The following RIN2 variants were observed in gnomAD, a reference collection of about 807,000 sequenced individuals.
The protein encoded by RIN2 is Ras and Rab interactor 2.
RIN2 carries 36 observed loss-of-function variants against 78.0 expected under a neutral mutation model. The observed-to-expected ratio is 0.46, with a 90% confidence interval of 0.35 to 0.61. RIN2 has a LOEUF of 0.61. Among genes scored for constraint, RIN2 ranks in the 20% least tolerant of loss-of-function variants. The pLI, the probability that RIN2 is intolerant of heterozygous loss-of-function variation, is 0.00. For missense variants in RIN2, 1,087 were observed against 1,159.7 expected (o/e 0.94, Z 0.91); for synonymous variants, 466 against 466.8 (o/e 1.00, Z 0.02).
At chr20:19,956,492 G>T in intron 4 of RIN2, 123 bp from the exon 5 acceptor site, 1 of 784,432 alleles carries the variant, frequency 1.3e-6, no homozygotes, top group Non-Finnish European at 2.1e-6. Context: ...AGATGATTAA[G>T]GGGGCGATCA....
chr20:19,960,822 A>C lies in RIN2; in HGVS notation c.463+11A>C. 2 of 1,535,316 alleles carry C rather than the reference A, an allele frequency of 1.3e-6. No homozygotes were observed. The highest frequency in any genetic ancestry group is 1.8e-6 in the Non-Finnish European group (2 of 1,122,514). Reference sequence around the variant, plus strand: ...AGGAAAGCACATACAGTAAGTGGTCATTGGATGCTCAGGTCCTGACTGACA... The same window carrying C: ...AGGAAAGCACATACAGTAAGTGGTCCTTGGATGCTCAGGTCCTGACTGACA... On this transcript the variant is annotated intron_variant, in intron 6 of 12. Coordinates refer to ENST00000255006, the MANE Select transcript of RIN2 (RefSeq NM_018993.4).
intron 1 of RIN2, among the ~76,000 whole-genome samples, chr20:19,771,291 A>C (rs1381364542): frequency 6.6e-6 from 1 of 152,246 alleles, no homozygotes; most frequent in Admixed American, 6.5e-5. Flanking sequence ...GCCAGCTGTC[A>C]ATCAGCTCAT....
chr20:19,989,313 A>G (rs147921073), intron 9 of RIN2, among the ~76,000 whole-genome samples: 9,826 of 136,464 alleles, frequency 0.072, 1,111 homozygotes, highest in African/African-American at 0.25. Flanking sequence ...TCACTCTGTC[A>G]CCCAGGTTGG....
At chr20:19,870,882 C>T (rs768856081) in intron 2 of RIN2, among the ~76,000 whole-genome samples, 4 of 152,136 alleles carry the variant, frequency 2.6e-5, no homozygotes, top group East Asian at 1.9e-4. Flanking sequence ...TGGCTGCCTT[C>T]GTTTGGGATG....
intron 2 of RIN2, among the ~76,000 whole-genome samples, chr20:19,886,311 C>T (rs1260430929): frequency 6.6e-6 from 1 of 152,206 alleles, no homozygotes; most frequent in Non-Finnish European, 1.5e-5. Flanking sequence ...GCAGTGCAGC[C>T]TGGAGCCCAG....
Position 19,975,867 on chromosome 20 carries a change from G to A in RIN2, c.1762+80G>A. The A allele has an allele frequency of 7.4e-7, 1 of 1,348,244 alleles. No homozygotes were observed. 83.5% of individuals were successfully genotyped at this position (1,348,244 alleles called of 1,614,324 possible). The stretch of plus-strand genomic sequence containing the variant: ...GCAACCTATGTTTGTTATTTTTTAT[G>A]AAGTTTACTCCGAAGTTCAAAACAA... On this transcript the variant is annotated intron_variant, in intron 9 of 12. Coordinates refer to ENST00000255006, the MANE Select transcript of RIN2 (RefSeq NM_018993.4). The surrounding 1 kb of genome is among the most constrained non-coding windows in gnomAD (Gnocchi z 4.9).
At chr20:19,823,859 C>A in intron 2 of RIN2, 1 of 1,605,648 alleles carries the variant, frequency 6.2e-7, no homozygotes, top group Non-Finnish European at 8.5e-7. Context: ...ATCTTGGGGG[C>A]CAGGGCAGAA....
intron 2 of RIN2, among the ~76,000 whole-genome samples, chr20:19,822,920 C>T (rs1421709887): frequency 6.6e-6 from 1 of 152,052 alleles, no homozygotes; most frequent in Non-Finnish European, 1.5e-5. Context: ...TTTGGCCTAG[C>T]AACTTAGTAA....
intron 2 of RIN2, among the ~76,000 whole-genome samples, chr20:19,818,215 C>T (rs1430728079): frequency 6.6e-6 from 1 of 152,016 alleles, no homozygotes; most frequent in African/African-American, 2.4e-5. Context: ...TTAAATAGTA[C>T]ACCTGTATAG....
chr20:19,957,314 A>G (rs955644151), intron 5 of RIN2, among the ~76,000 whole-genome samples: 2 of 152,180 alleles, frequency 1.3e-5, no homozygotes, highest in African/African-American at 4.8e-5. Flanking sequence ...TGGTTTCCTC[A>G]GCTACTGTCT....
At chr20:19,810,944 C>G (rs1481408541) in intron 2 of RIN2, among the ~76,000 whole-genome samples, 1 of 150,762 alleles carries the variant, frequency 6.6e-6, no homozygotes, top group African/African-American at 2.4e-5. Flanking sequence ...ATCTCCTGAC[C>G]TCGTGATCCG....
In RIN2 at chr20:19,888,202, G is replaced by A. The variant is rs139232218; in HGVS notation, c.-36-1364G>A. On this transcript the variant is annotated intron_variant, in intron 2 of 12. Coordinates refer to ENST00000255006, the MANE Select transcript of RIN2 (RefSeq NM_018993.4). ...GCACGGAGCACTGACACAAAGAGAC[G>A]ATGGTTCTGGAAGGAGGGGTGGGAT... is the stretch of plus-strand genomic sequence containing the variant. Among the ~76,000 whole-genome samples, 193 of 152,278 alleles carry A rather than the reference G, an allele frequency of 1.3e-3. 1 individual carries two copies. The highest frequency in any genetic ancestry group is 4.5e-3 in the African/African-American group (185 of 41,558).
At chr20:19,780,314 G>A (rs957561639) in intron 1 of RIN2, among the ~76,000 whole-genome samples, 3 of 152,172 alleles carry the variant, frequency 2.0e-5, no homozygotes, top group African/African-American at 7.2e-5. Flanking sequence ...TCCGATAGTG[G>A]TCCCGAATTG....
chr20:19,996,240 G>A (rs2042959235), intron 11 of RIN2, among the ~76,000 whole-genome samples: 1 of 152,188 alleles, frequency 6.6e-6, no homozygotes, highest in African/African-American at 2.4e-5. Context: ...CTTGAACCTG[G>A]GAGGCGGAGG....
chr20:19,890,347 T>G (rs1050101042), intron 3 of RIN2, among the ~76,000 whole-genome samples: 2 of 152,282 alleles, frequency 1.3e-5, no homozygotes, highest in East Asian at 3.9e-4. Flanking sequence ...TGGGAATCAA[T>G]TCCCCTCTTG....
At chr20:19,988,979 ACACT>A (rs1324308236) in intron 9 of RIN2, among the ~76,000 whole-genome samples, 2 of 152,098 alleles carry the variant, frequency 1.3e-5, no homozygotes, top group African/African-American at 4.8e-5. Context: ...ACGTGCACAC[ACACT>A]GTCTCTCATT....
chr20:19,918,501 C>T (rs914676422), intron 3 of RIN2, among the ~76,000 whole-genome samples: 29 of 152,066 alleles, frequency 1.9e-4, no homozygotes, highest in African/African-American at 3.9e-4. Context: ...ACACCTTAAA[C>T]GAACTTTGTC....
rs11471521 is a variant in RIN2, at chr20:19,966,325, CT to C, written c.536+1315del. On this transcript the variant is annotated intron_variant, in intron 7 of 12. Transcript: ENST00000255006. ...GCCAGAGGGCAGGAGGCACTACGCACTTTTTTTTTTTTTTGAGATGGAGTTT... is the reference window on the plus strand; with the variant it reads ...GCCAGAGGGCAGGAGGCACTACGCACTTTTTTTTTTTTTGAGATGGAGTTT... Among the ~76,000 whole-genome samples the C allele has an allele frequency of 2.9e-3, 422 of 144,124 alleles. 2 individuals are homozygous for C. The highest frequency in any genetic ancestry group is 5.6e-3 in the African/African-American group (223 of 39,494). 94.6% of individuals were successfully genotyped at this position (144,124 alleles called of 152,430 possible). A position where few individuals can be genotyped will look rare whatever the true frequency, so the allele number is the denominator to read the frequency against.
chr20:19,864,134 G>A (rs6046378), intron 2 of RIN2, among the ~76,000 whole-genome samples: 2,054 of 152,098 alleles, frequency 0.014, 50 homozygotes, highest in African/African-American at 0.047. Flanking sequence ...TTAGAAAAAA[G>A]GGTCTGAAAA....
Sources: allele counts gnomAD v4.1 joint callset (sites outside exome capture counted in the v4.1 genomes callset), GRCh38; gene constraint gnomAD v4.1.1; non-coding constraint Gnocchi (gnomAD v3.1); transcripts MANE v1.5; gene names NCBI Gene and HGNC (gene_info 2026-07-23, HGNC 2026-07-21).